The following FREM3 variants were observed in gnomAD, a reference collection of about 807,000 sequenced individuals.
FREM3 encodes the protein FRAS1-related extracellular matrix protein 3.
FREM3 carries 105 observed loss-of-function variants against 129.1 expected under a neutral mutation model. The ratio of observed to expected loss-of-function variants is 0.81; its 90% CI spans 0.69 to 0.96. FREM3 has a LOEUF of 0.96. FREM3 is among the 40% of genes least tolerant of loss of function. The pLI, the probability that FREM3 is intolerant of heterozygous loss-of-function variation, is 0.00. For missense variants in FREM3, 2,593 were observed against 2,666.3 expected (o/e 0.97, Z 0.61); for synonymous variants, 1,014 against 1,044.9 (o/e 0.97, Z 0.57).
chr4:143,631,672 C>G (rs1440121024), intron 2 of FREM3, among the ~76,000 whole-genome samples: 1 of 151,930 alleles, frequency 6.6e-6, no homozygotes, highest in South Asian at 2.1e-4. Flanking sequence ...TGGAGCAAAA[C>G]AAGTAGAAAG....
At chr4:143,630,818 A>C (rs1000118095) in intron 2 of FREM3, among the ~76,000 whole-genome samples, 8 of 152,208 alleles carry the variant, frequency 5.3e-5, no homozygotes, top group Non-Finnish European at 8.8e-5. Flanking sequence ...GATGAATCCA[A>C]GAAGGTGAAG....
At position 143,697,416 on chromosome 4, in the gene FREM3, G is replaced by T; in HGVS notation, c.3260C>A (p.Ser1087Tyr). Reference sequence around the variant, plus strand: ...AACATGGAGATGTTGTAAGGTCAAGGAGTTCTTCTCACCTTCATAGACAAT... The same window carrying T: ...AACATGGAGATGTTGTAAGGTCAAGTAGTTCTTCTCACCTTCATAGACAAT... ...SFIVYEGEKN[S>Y]LTLQHLHVED... Residue 1087 changes from serine (S) to tyrosine (Y), a missense_variant, in exon 1 of 8, where the codon TCC (serine) becomes TAC (tyrosine). Ser to Tyr is a moderately radical substitution (Grantham distance 144). This residue lies in a region of FREM3 where 2,276 missense variants were observed against 2,267.2 expected (regional missense o/e 1.00). Transcript: ENST00000329798. 6.5e-7 allele frequency: 1 copy of T among 1,537,222 alleles called. No homozygotes were observed. Among genetic ancestry groups the T allele is most frequent in the Non-Finnish European group, 8.7e-7 (1 of 1,146,906 alleles).
At chr4:143,628,749 G>A (rs1027043958) in intron 2 of FREM3, among the ~76,000 whole-genome samples, 1 of 152,174 alleles carries the variant, frequency 6.6e-6, no homozygotes, top group Non-Finnish European at 1.5e-5. Context: ...GTATGGGTAT[G>A]AGATGGGGCT....
chr4:143,689,177 T>A (rs1188015221), intron 2 of FREM3, among the ~76,000 whole-genome samples: 1 of 151,108 alleles, frequency 6.6e-6, no homozygotes, highest in African/African-American at 2.4e-5. Context: ...AACAAATCAG[T>A]AAGAAAAAAA....
chr4:143,664,935 G>T (rs182942823), intron 2 of FREM3, among the ~76,000 whole-genome samples: 1 of 152,086 alleles, frequency 6.6e-6, no homozygotes, highest in African/African-American at 2.4e-5. Flanking sequence ...TTTTAAGCCC[G>T]TCGGAAAAGT....
intron 2 of FREM3, among the ~76,000 whole-genome samples, chr4:143,685,252 C>T (rs951832053): frequency 2.0e-5 from 3 of 152,148 alleles, no homozygotes; most frequent in African/African-American, 7.2e-5. Context: ...GAGACAGAAG[C>T]ACCAGGTAAC....
chr4:143,624,321 C>A lies in FREM3; in HGVS notation c.5440G>T (p.Glu1814Ter), dbSNP rs1363427645. The A allele has an allele frequency of 6.5e-7, 1 of 1,535,378 alleles. No individual in the cohort carries two copies. The change falls in exon 4 of 8, where the codon GAA (glutamate) becomes TAA (stop). Residue 1814 changes from glutamate (E) to a stop codon, truncating the protein, a stop_gained. Coordinates refer to ENST00000329798, the MANE Select transcript of FREM3 (RefSeq NM_001168235.2). LOFTEE classifies it high-confidence loss of function. ...AAATCTTTGTCTTTTTTTGCAGTTT[C>A]ATCTTTGGTACCAATGCCTGAATAA... ...TSFISIGTKD[E>*]TAKKDKDFKW...
In FREM3 at chr4:143,699,455, C is replaced by G. The variant is rs1158478585; in HGVS notation, c.1221G>C (p.Glu407Asp). The G allele has an allele frequency of 2.0e-6, 3 of 1,537,192 alleles. No individual in the cohort carries two copies. The East Asian group carries it at 7.3e-5, about 38-fold the overall frequency. ...HGERLFQLEL[E>D]VVDGDGAASD... Reference sequence around the variant, plus strand: ...AGGCGGCGCCGTCTCCGTCCACCACCTCCAGCTCCAGCTGAAAGAGGCGCT... The same window carrying G: ...AGGCGGCGCCGTCTCCGTCCACCACGTCCAGCTCCAGCTGAAAGAGGCGCT... Residue 407 changes from glutamate to aspartate, a missense_variant, in exon 1 of 8, where the codon GAG (glutamate) becomes GAC (aspartate). This residue lies in a region of FREM3 where 2,276 missense variants were observed against 2,267.2 expected (regional missense o/e 1.00). Transcript: ENST00000329798. This position sits in a 1 kb window ranked among gnomAD's most constrained non-coding sequence, Gnocchi z 4.2.
intron 2 of FREM3, among the ~76,000 whole-genome samples, chr4:143,664,107 G>A (rs530187970): frequency 7.9e-5 from 12 of 152,242 alleles, no homozygotes; most frequent in Non-Finnish European, 1.6e-4. Flanking sequence ...TCTCCGTCCC[G>A]CTTTGTTCCG....
chr4:143,593,035 T>C (rs1296377396), intron 6 of FREM3, among the ~76,000 whole-genome samples: 1 of 152,246 alleles, frequency 6.6e-6, no homozygotes, highest in East Asian at 1.9e-4. Flanking sequence ...TCGCATCGGT[T>C]ACTGAGGCTT....
intron 7 of FREM3, among the ~76,000 whole-genome samples, chr4:143,578,348 C>A (rs936736764): frequency 3.3e-5 from 5 of 152,076 alleles, no homozygotes; most frequent in Non-Finnish European, 7.3e-5. Flanking sequence ...ATCATTTTTT[C>A]AAGCTGGTCC....
In FREM3 at chr4:143,684,275, C is replaced by T. The variant is rs563146767; in HGVS notation, c.5275+8838G>A. 8.3e-4 allele frequency among the ~76,000 whole-genome samples: 127 copies of T among 152,256 alleles called. 1 individual carries two copies. The highest frequency in any genetic ancestry group is 7.7e-4 in the East Asian group (4 of 5,186). On this transcript the variant is annotated intron_variant, in intron 2 of 7. Coordinates refer to ENST00000329798, the MANE Select transcript of FREM3 (RefSeq NM_001168235.2). Reference sequence around the variant, plus strand: ...CCATTGCACCCCCCACCACTTCCAACGGAACAGGAACTGCTATCCATGGCT... The same window carrying T: ...CCATTGCACCCCCCACCACTTCCAATGGAACAGGAACTGCTATCCATGGCT...
At chr4:143,593,677 G>A (rs558513027) in intron 6 of FREM3, among the ~76,000 whole-genome samples, 1 of 152,196 alleles carries the variant, frequency 6.6e-6, no homozygotes. Context: ...GGCTACTCGG[G>A]GGTCAGGGAC....
In FREM3 at chr4:143,696,544, C is replaced by G. The variant is rs549985587; in HGVS notation, c.4132G>C (p.Asp1378His). 2.6e-6 allele frequency: 4 copies of G among 1,537,378 alleles called. No individual in the cohort carries two copies. The highest frequency in any genetic ancestry group is 1.4e-5 in the African/African-American group (1 of 73,038). ...NLTLGMNFTQ[D>H]EINRGLICYI... is the part of the protein sequence containing the mutation. The stretch of plus-strand genomic sequence containing the variant: ...CAGATGAGGCCTCTGTTAATCTCAT[C>G]CTGGGTAAAGTTCATTCCCAGAGTA... Residue 1378 changes from aspartate to histidine, a missense_variant, in exon 1 of 8, where the codon GAT (aspartate) becomes CAT (histidine). Asp to His is a moderately conservative substitution (Grantham distance 81). Transcript: ENST00000329798.
intron 4 of FREM3, among the ~76,000 whole-genome samples, chr4:143,623,493 T>TCCCCCCCC (rs35964270): frequency 1.5e-5 from 1 of 68,522 alleles, no homozygotes; most frequent in Non-Finnish European, 3.1e-5. Context: ...TGAATACTAA[T>TCCCCCCCC]CCCCCCCCCC....
chr4:143,588,363 A>C (rs1738280802), intron 6 of FREM3, among the ~76,000 whole-genome samples: 1 of 151,958 alleles, frequency 6.6e-6, no homozygotes, highest in Non-Finnish European at 1.5e-5. Context: ...ATTTAGCATT[A>C]GGTATATCTC....
intron 2 of FREM3, among the ~76,000 whole-genome samples, chr4:143,629,299 C>G (rs1208676098): frequency 6.6e-6 from 1 of 152,174 alleles, no homozygotes; most frequent in Non-Finnish European, 1.5e-5. Flanking sequence ...AAGAGGGAAG[C>G]TGGCCTCAGC....
At chr4:143,646,541 A>G (rs1442209583) in intron 2 of FREM3, among the ~76,000 whole-genome samples, 1 of 152,142 alleles carries the variant, frequency 6.6e-6, no homozygotes, top group Admixed American at 6.5e-5. Flanking sequence ...GAGTTCTCAC[A>G]AGATCTGATG....
At position 143,700,491 on chromosome 4, in the gene FREM3, A is replaced by G. The variant is rs765175623; in HGVS notation, c.185T>C (p.Val62Ala). Residue 62 changes from valine (V) to alanine (A), a missense_variant, in exon 1 of 8, where the codon GTG becomes GCG. Val to Ala is a moderately conservative substitution (Grantham distance 64). This residue lies in a region of FREM3 where 2,276 missense variants were observed against 2,267.2 expected (regional missense o/e 1.00). Transcript: ENST00000329798. ...CCGGAGTCCAGGGTTGGCAATCAGCACGCTGGGGCCGTCGGGGCGAGTGCC... is the reference window on the plus strand; with the variant it reads ...CCGGAGTCCAGGGTTGGCAATCAGCGCGCTGGGGCCGTCGGGGCGAGTGCC... ...LDGTRPDGPS[V>A]LIANPGLRVP... The G allele has an allele frequency of 7.3e-6, 11 of 1,510,814 alleles. No individual in the cohort carries two copies. The African/African-American group carries it at 1.5e-4, about 21-fold the overall frequency. The allele number at this position is 1,510,814 out of a possible 1,614,324, so 93.6% of individuals were successfully genotyped here. A position where few individuals can be genotyped will look rare whatever the true frequency, so the allele number is the denominator to read the frequency against.
Sources: allele counts gnomAD v4.1 joint callset (sites outside exome capture counted in the v4.1 genomes callset), GRCh38; gene constraint gnomAD v4.1.1; regional missense constraint gnomAD v4.1.1; non-coding constraint Gnocchi (gnomAD v3.1); transcripts MANE v1.5; gene names NCBI Gene and HGNC (gene_info 2026-07-23, HGNC 2026-07-21).